Variants in TTC17 observed in about 807,000 individuals in gnomAD.
TTC17 encodes the protein tetratricopeptide repeat protein 17.
TTC17 carries 58 observed loss-of-function variants against 143.8 expected under a neutral mutation model. The ratio of observed to expected loss-of-function variants is 0.40; its 90% CI spans 0.33 to 0.50. TTC17 has a LOEUF of 0.50. Among genes scored for constraint, TTC17 ranks in the 20% least tolerant of loss-of-function variants. The pLI, the probability that TTC17 is intolerant of heterozygous loss-of-function variation, is 0.49. For missense variants in TTC17, 1,273 were observed against 1,392.5 expected (o/e 0.91, Z 1.37); for synonymous variants, 501 against 497.8 (o/e 1.01, Z -0.09).
chr11:43,399,006 G>A (rs957587644), intron 8 of TTC17, among the ~76,000 whole-genome samples: 6 of 152,152 alleles, frequency 3.9e-5, no homozygotes, highest in Non-Finnish European at 7.3e-5. Flanking sequence ...TAAAATCTCT[G>A]TATGTTACAG....
chr11:43,381,961 A>G (rs887156335), intron 2 of TTC17, among the ~76,000 whole-genome samples: 1 of 152,216 alleles, frequency 6.6e-6, no homozygotes, highest in African/African-American at 2.4e-5. Context: ...GCATTCAAGA[A>G]TGGATGTCAC....
intron 21 of TTC17, among the ~76,000 whole-genome samples, chr11:43,485,925 C>G (rs1465583630): frequency 7.0e-6 from 1 of 143,458 alleles, no homozygotes; most frequent in African/African-American, 2.6e-5. Context: ...TATCCCGTGG[C>G]CCAGAAATTC....
At chr11:43,399,406 T>A (rs2134562168) in intron 8 of TTC17, among the ~76,000 whole-genome samples, 1 of 152,330 alleles carries the variant, frequency 6.6e-6, no homozygotes, top group African/African-American at 2.4e-5. Flanking sequence ...GGCTGATGCC[T>A]GTAATCCCAG....
chr11:43,359,366 A>G (rs943659776), intron 1 of TTC17: 9 of 445,582 alleles, frequency 2.0e-5, no homozygotes, highest in Non-Finnish European at 3.5e-5. Context: ...CCGCGTGGGG[A>G]AGAGTCGCCC....
At chr11:43,460,153 G>A (rs563577570) in intron 21 of TTC17, among the ~76,000 whole-genome samples, 6 of 151,866 alleles carry the variant, frequency 4.0e-5, no homozygotes, top group Middle Eastern at 3.4e-3. Flanking sequence ...AGCTGGTAAC[G>A]AGAAAGTTTT....
intron 18 of TTC17, chr11:43,445,967 C>T (rs1438982552): frequency 6.7e-7 from 1 of 1,498,132 alleles, no homozygotes. Flanking sequence ...GTGCCATAGA[C>T]ATAATGTAAC....
At chr11:43,411,171 G>T (rs1388873126) in intron 15 of TTC17, among the ~76,000 whole-genome samples, 1 of 152,166 alleles carries the variant, frequency 6.6e-6, no homozygotes, top group Non-Finnish European at 1.5e-5. Context: ...ACATGACCTT[G>T]TTACTTTTCT....
chr11:43,454,600 T>G (rs187868292), intron 21 of TTC17, among the ~76,000 whole-genome samples: 1 of 151,918 alleles, frequency 6.6e-6, no homozygotes. Context: ...CAAATAAAAT[T>G]TAACAAGATT....
chr11:43,486,527 C>A, intron 21 of TTC17: 1 of 347,616 alleles, frequency 2.9e-6, no homozygotes, highest in Non-Finnish European at 6.2e-6. Flanking sequence ...GTCAAGTATA[C>A]ATGTATGTCA....
chr11:43,397,537 C>CA, intron 7 of TTC17, 46 bp downstream of exon 7: 1 of 1,215,882 alleles, frequency 8.2e-7, no homozygotes, highest in African/African-American at 1.7e-5. Context: ...TTGCCACTTT[C>CA]TTTTTTTTTT....
chr11:43,365,244 G>C (rs543060702), intron 1 of TTC17, among the ~76,000 whole-genome samples: 1 of 152,122 alleles, frequency 6.6e-6, no homozygotes, highest in Non-Finnish European at 1.5e-5. Context: ...GGAACTACAA[G>C]TGCATACCAC....
chr11:43,457,490 TAGG>T (rs1363026530), intron 21 of TTC17, among the ~76,000 whole-genome samples: 1 of 151,502 alleles, frequency 6.6e-6, no homozygotes, highest in South Asian at 2.1e-4. Context: ...GTGCAGACAA[TAGG>T]AGTAGATTTA....
rs1948528984 is a variant in TTC17 at position 43,494,681 on chromosome 11, C to T, written c.*777C>T. The T allele has an allele frequency of 6.6e-6, 1 of 152,084 alleles. No individual in the cohort carries two copies. The highest frequency in any genetic ancestry group is 6.5e-5 in the Admixed American group (1 of 15,268). 9.4% of individuals were successfully genotyped at this position (152,084 alleles called of 1,614,324 possible). A position where few individuals can be genotyped will look rare whatever the true frequency, so the allele number is the denominator to read the frequency against. On this transcript the variant is annotated 3_prime_UTR_variant, in exon 24 of 24. Transcript: ENST00000039989. ...ATATATAGAATATGTATATTTGAAG[C>T]CCTCTACAGACTGAGTCTATGTTTT... is the stretch of plus-strand genomic sequence containing the variant.
At chr11:43,429,345 T>C (rs796354458) in intron 16 of TTC17, among the ~76,000 whole-genome samples, 9 of 152,338 alleles carry the variant, frequency 5.9e-5, no homozygotes, top group African/African-American at 2.2e-4. Flanking sequence ...AGTGTTCCTC[T>C]TGGTAAAAGG....
At chr11:43,382,006 G>A (rs971639234) in intron 2 of TTC17, among the ~76,000 whole-genome samples, 1 of 152,134 alleles carries the variant, frequency 6.6e-6, no homozygotes, top group African/African-American at 2.4e-5. Flanking sequence ...AAACTCAAGG[G>A]GAAAGATGCA....
chr11:43,411,328 A>G (rs1028334478), intron 15 of TTC17, among the ~76,000 whole-genome samples: 6 of 152,028 alleles, frequency 3.9e-5, no homozygotes, highest in African/African-American at 9.7e-5. Context: ...CATCCCACCA[A>G]TATTCTTCAT....
At chr11:43,462,785 T>G (rs1947892473) in intron 21 of TTC17, among the ~76,000 whole-genome samples, 1 of 152,070 alleles carries the variant, frequency 6.6e-6, no homozygotes, top group African/African-American at 2.4e-5. Flanking sequence ...GAAATAGACA[T>G]ATTCCCAATC....
intron 1 of TTC17, chr11:43,359,350 C>T: frequency 2.1e-6 from 1 of 477,814 alleles, no homozygotes; most frequent in East Asian, 3.7e-5. Context: ...CCTCGCGGGC[C>T]GCGCGCCGCG....
intron 2 of TTC17, among the ~76,000 whole-genome samples, chr11:43,381,295 A>G (rs1856958805): frequency 6.6e-6 from 1 of 152,176 alleles, no homozygotes; most frequent in Non-Finnish European, 1.5e-5. Context: ...GCTTGAAAGT[A>G]GTATAAGCAT....
Sources: allele counts gnomAD v4.1 joint callset (sites outside exome capture counted in the v4.1 genomes callset), GRCh38; gene constraint gnomAD v4.1.1; transcripts MANE v1.5; gene names NCBI Gene and HGNC (gene_info 2026-07-23, HGNC 2026-07-21).